Variants in AEN observed in about 807,000 individuals in gnomAD.
AEN encodes apoptosis-enhancing nuclease.
A neutral mutation model predicts 17.7 loss-of-function variants in AEN; 21 were observed. The observed-to-expected ratio is 1.19, with a 90% CI of 0.84 to 1.71. The LOEUF is 1.71. Ranked by LOEUF, AEN falls within the 40% of genes most tolerant of loss-of-function variation. The probability of loss-of-function intolerance (pLI) is 0.00; values close to 1 mark genes in which losing one functional copy is unlikely to be tolerated. For missense variants in AEN, 462 were observed against 435.9 expected, an observed-to-expected ratio of 1.06 and a Z score of -0.53; for synonymous variants, 190 against 173.0, an observed-to-expected ratio of 1.10 and a Z score of -0.77.
upstream of AEN, among the ~76,000 whole-genome samples, chr15:88,619,248 G>T (rs2057762027): frequency 6.6e-6 from 1 of 152,210 alleles, no homozygotes; most frequent in Non-Finnish European, 1.5e-5. Flanking sequence ...AGCAGAGCAA[G>T]ATTTAGAACA....
the AEN span, among the ~76,000 whole-genome samples, chr15:88,605,991 A>G: frequency 2.0e-5 from 3 of 152,198 alleles, no homozygotes; most frequent in South Asian, 2.1e-4. The surrounding 1 kb of genome is among the most constrained non-coding windows in gnomAD (Gnocchi z 7.6). Flanking sequence ...TCATTTCTCC[A>G]GGGATTTAGG....
At chr15:88,608,656 TGTGTTTG>T in the AEN span, among the ~76,000 whole-genome samples, 5 of 152,250 alleles carry the variant, frequency 3.3e-5, no homozygotes, top group Non-Finnish European at 5.9e-5. Flanking sequence ...TTTGGTGTTT[TGTGTTTG>T]GTGTTTGGTG....
the AEN span, among the ~76,000 whole-genome samples, chr15:88,610,295 A>G: frequency 1.4e-4 from 21 of 149,642 alleles, no homozygotes; most frequent in East Asian, 3.8e-3. Context: ...AGTGGCAAAG[A>G]GGCACGGGGC....
At chr15:88,612,912 C>G in the AEN span, among the ~76,000 whole-genome samples, 1 of 152,098 alleles carries the variant, frequency 6.6e-6, no homozygotes, top group African/African-American at 2.4e-5. Context: ...CCCAGCCTTT[C>G]TGCCTGGGAT....
At chr15:88,614,876 TG>T in the AEN span, among the ~76,000 whole-genome samples, 1 of 151,696 alleles carries the variant, frequency 6.6e-6, no homozygotes, top group Non-Finnish European at 1.5e-5. Context: ...TTTTTGTTGT[TG>T]TTGTTGTTGT....
chr15:88,629,990 C>G, intron 3 of AEN, 68 bp from the exon 4 acceptor site: 32 of 1,509,776 alleles, frequency 2.1e-5, no homozygotes, highest in Non-Finnish European at 2.8e-5. Flanking sequence ...GGAAACTGGC[C>G]TTGCTTCTTG....
rs2057917608 is a variant in AEN, at chr15:88,630,734, C to G, written c.*440C>G. 1 of 221,094 alleles carries G rather than the reference C, an allele frequency of 4.5e-6. No individual in the cohort carries two copies. The highest frequency in any genetic ancestry group is 2.3e-5 in the African/African-American group (1 of 44,198). The allele number at this position is 221,094 out of a possible 1,614,324, so 13.7% of individuals were successfully genotyped here. ...GTCAATATCCTGGAGCTCCCTTACC[C>G]CAACTCAATGACTTGGGGGTAAAGT... On this transcript the variant is annotated 3_prime_UTR_variant, in exon 4 of 4. Coordinates refer to ENST00000332810, the MANE Select transcript of AEN (RefSeq NM_022767.4). This position sits in a 1 kb window ranked among gnomAD's most constrained non-coding sequence, Gnocchi z 5.1.
At chr15:88,624,324 C>A (rs2057824552) in intron 1 of AEN, among the ~76,000 whole-genome samples, 1 of 152,066 alleles carries the variant, frequency 6.6e-6, no homozygotes, top group African/African-American at 2.4e-5. Context: ...AGCAGGAGGG[C>A]TGTGAGTGGG....
chr15:88,614,757 CA>C, the AEN span, among the ~76,000 whole-genome samples: 1 of 152,204 alleles, frequency 6.6e-6, no homozygotes, highest in East Asian at 1.9e-4. Flanking sequence ...GTCTCAGCGA[CA>C]AACTACTAAC....
chr15:88,622,277 T>A (rs953413414), intron 1 of AEN, among the ~76,000 whole-genome samples: 2 of 152,226 alleles, frequency 1.3e-5, no homozygotes, highest in Non-Finnish European at 2.9e-5. Context: ...GTGTTTGTCC[T>A]TGTTGAAAGG....
chr15:88,611,330 T>C, the AEN span, among the ~76,000 whole-genome samples: 1 of 151,008 alleles, frequency 6.6e-6, no homozygotes, highest in Non-Finnish European at 1.5e-5. Flanking sequence ...GTGCAGTGGC[T>C]CACGTCTATA....
chr15:88,618,393 C>A (rs2057756022), upstream of AEN, among the ~76,000 whole-genome samples: 1 of 152,174 alleles, frequency 6.6e-6, no homozygotes, highest in South Asian at 2.1e-4. Flanking sequence ...AAAAAATTTT[C>A]TGTGACCATG....
intron 1 of AEN, 38 bp from the exon 2 acceptor site, chr15:88,626,106 ACT>A: frequency 3.8e-6 from 5 of 1,329,842 alleles, no homozygotes; most frequent in Non-Finnish European, 5.0e-6. Context: ...TGCCTGGCAC[ACT>A]CTCACCCAGC....
At chr15:88,625,747 A>G (rs2057843092) in intron 1 of AEN, among the ~76,000 whole-genome samples, 1 of 152,212 alleles carries the variant, frequency 6.6e-6, no homozygotes, top group Non-Finnish European at 1.5e-5. Context: ...TCACAGCAGA[A>G]AAAAAGTCCA....
chr15:88,623,281 G>A (rs1181512473), intron 1 of AEN, among the ~76,000 whole-genome samples: 1 of 152,206 alleles, frequency 6.6e-6, no homozygotes, highest in African/African-American at 2.4e-5. Flanking sequence ...AAGCAGGGTG[G>A]ATGAGTCAGG....
In AEN at chr15:88,630,418, A is replaced by G; in HGVS notation, c.*124A>G. 1 of 863,336 alleles carries G rather than the reference A, an allele frequency of 1.2e-6. No homozygotes were observed. Among genetic ancestry groups the G allele is most frequent in the East Asian group, 2.7e-5 (1 of 37,640 alleles). The allele number at this position is 863,336 out of a possible 1,614,324, so 53.5% of individuals were successfully genotyped here. The stretch of plus-strand genomic sequence containing the variant: ...GATGCAGTGAGCCAGCCCCAGGGCC[A>G]GAGGAGTAGGGGTCATCTGTTACCT... On this transcript the variant is annotated 3_prime_UTR_variant, in exon 4 of 4. Coordinates refer to ENST00000332810, the MANE Select transcript of AEN (RefSeq NM_022767.4). The surrounding 1 kb of genome is among the most constrained non-coding windows in gnomAD (Gnocchi z 5.1).
the AEN span, among the ~76,000 whole-genome samples, chr15:88,615,124 A>T: frequency 6.6e-6 from 1 of 151,054 alleles, no homozygotes; most frequent in Non-Finnish European, 1.5e-5. Flanking sequence ...TCGGCCTCCC[A>T]AAGTGCTGGG....
the AEN span, among the ~76,000 whole-genome samples, chr15:88,606,869 G>A: frequency 6.6e-6 from 1 of 152,082 alleles, no homozygotes; most frequent in Non-Finnish European, 1.5e-5. Flanking sequence ...CATTTCTCCA[G>A]GATTTACAAT....
chr15:88,618,653 G>A (rs2057757691), upstream of AEN, among the ~76,000 whole-genome samples: 1 of 152,192 alleles, frequency 6.6e-6, no homozygotes, highest in Non-Finnish European at 1.5e-5. Flanking sequence ...AGACAGAGGT[G>A]AGTCTGTTGT....
Sources: gnomAD v4.1 joint callset for allele counts (sites outside exome capture counted in the v4.1 genomes callset) on GRCh38, gnomAD v4.1.1 for gene constraint, Gnocchi (gnomAD v3.1) non-coding constraint, MANE v1.5 for transcripts, NCBI Gene and HGNC (gene_info 2026-07-23, HGNC 2026-07-21) for gene names.